BNC2: variants seen among roughly 807,000 people sequenced by gnomAD.
BNC2 encodes the protein zinc finger protein basonuclin-2.
A neutral mutation model predicts 76.3 loss-of-function variants in BNC2; 20 were observed. That is an observed-to-expected ratio of 0.26 (90% CI 0.18 to 0.38). The LOEUF is 0.38. Among genes scored for constraint, BNC2 ranks in the 10% least tolerant of loss-of-function variants. BNC2 has a pLI of 1.00. For missense variants in BNC2, 1,382 were observed against 1,399.8 expected (o/e 0.99, Z 0.20); for synonymous variants, 582 against 514.8 (o/e 1.13, Z -1.77).
chr9:16,805,338 T>C (rs965963964), intron 1 of BNC2, among the ~76,000 whole-genome samples: 1 of 152,012 alleles, frequency 6.6e-6, no homozygotes, highest in African/African-American at 2.4e-5. Context: ...TTGTTGGTTT[T>C]TTTTTGAGAC....
At chr9:16,625,411 C>G (rs1411087150) in intron 3 of BNC2, among the ~76,000 whole-genome samples, 3 of 152,244 alleles carry the variant, frequency 2.0e-5, no homozygotes, top group East Asian at 3.9e-4. Context: ...TGAAAATGAG[C>G]CAATGATCAT....
intron 4 of BNC2, among the ~76,000 whole-genome samples, chr9:16,556,893 G>A (rs1046545975): frequency 5.3e-5 from 8 of 151,500 alleles, no homozygotes; most frequent in African/African-American, 1.7e-4. Flanking sequence ...AGATCATATC[G>A]AGTCACCAAG....
At chr9:16,532,041 CT>C (rs34096384) in intron 5 of BNC2, among the ~76,000 whole-genome samples, 257 of 147,760 alleles carry the variant, frequency 1.7e-3, no homozygotes, top group African/African-American at 5.4e-3. Flanking sequence ...GATTTAAGTT[CT>C]TTTTTTTTTG....
At chr9:16,719,377 T>C (rs989939244) in intron 3 of BNC2, among the ~76,000 whole-genome samples, 4 of 152,148 alleles carry the variant, frequency 2.6e-5, no homozygotes, top group Admixed American at 2.0e-4. Flanking sequence ...CTAATGGAGA[T>C]TCTCATTTTA....
chr9:16,476,011 C>T (rs1331685254), intron 5 of BNC2: 1 of 152,128 alleles, frequency 6.6e-6, no homozygotes, highest in Non-Finnish European at 1.5e-5. Flanking sequence ...TTCCCGTGTC[C>T]AAAAGATCTC....
chr9:16,537,031 T>C (rs1587142841), intron 5 of BNC2, among the ~76,000 whole-genome samples: 1 of 152,254 alleles, frequency 6.6e-6, no homozygotes, highest in African/African-American at 2.4e-5. Context: ...TCATAAACCC[T>C]ATAAAGTGAA....
intron 3 of BNC2, among the ~76,000 whole-genome samples, chr9:16,642,531 C>T (rs553916718): frequency 6.6e-6 from 1 of 152,342 alleles, no homozygotes; most frequent in South Asian, 2.1e-4. Context: ...ACCCTTCCCA[C>T]AGCATGTGCC....
intron 3 of BNC2, among the ~76,000 whole-genome samples, chr9:16,679,475 C>T (rs1396712086): frequency 6.6e-6 from 1 of 152,194 alleles, no homozygotes; most frequent in Non-Finnish European, 1.5e-5. Flanking sequence ...GGCTGCTAGA[C>T]ACATGTGCAT....
intron 3 of BNC2, among the ~76,000 whole-genome samples, chr9:16,694,412 G>A (rs1257026914): frequency 6.6e-6 from 1 of 151,974 alleles, no homozygotes; most frequent in African/African-American, 2.4e-5. Context: ...AATACAACAG[G>A]CATTTACTAC....
chr9:16,465,071 C>T (rs1186252295), intron 5 of BNC2, among the ~76,000 whole-genome samples: 2 of 152,286 alleles, frequency 1.3e-5, no homozygotes, highest in Non-Finnish European at 2.9e-5. Flanking sequence ...GAGTAGTCAA[C>T]AGGCCCATGA....
intron 1 of BNC2, among the ~76,000 whole-genome samples, chr9:16,738,763 C>T (rs1221790381): frequency 2.0e-5 from 3 of 152,064 alleles, no homozygotes; most frequent in African/African-American, 7.2e-5. Flanking sequence ...CCCTTTTCTT[C>T]CACTTAATAT....
chr9:16,869,706 C>T (rs1049054329), intron 1 of BNC2, among the ~76,000 whole-genome samples: 2 of 152,164 alleles, frequency 1.3e-5, no homozygotes, highest in African/African-American at 4.8e-5. Context: ...GCGGACAGAG[C>T]GGCTCATCAC....
chr9:16,432,973 G>C (rs915826068), intron 6 of BNC2, among the ~76,000 whole-genome samples: 1 of 152,148 alleles, frequency 6.6e-6, no homozygotes, highest in Non-Finnish European at 1.5e-5. Flanking sequence ...TGAATAATGA[G>C]ATTAAATCAC....
At chr9:16,838,793 T>C (rs1342369938) in intron 1 of BNC2, among the ~76,000 whole-genome samples, 4 of 152,232 alleles carry the variant, frequency 2.6e-5, no homozygotes, top group East Asian at 1.9e-4. Flanking sequence ...ACATTATTTA[T>C]AGTGTACTTA....
At chr9:16,464,282 A>C (rs575712873) in intron 5 of BNC2, among the ~76,000 whole-genome samples, 1 of 152,190 alleles carries the variant, frequency 6.6e-6, no homozygotes, top group South Asian at 2.1e-4. Flanking sequence ...CTGGCATGGC[A>C]CACAGGCCAA....
At chr9:16,678,246 G>T (rs992536804) in intron 3 of BNC2, among the ~76,000 whole-genome samples, 19 of 127,566 alleles carry the variant, frequency 1.5e-4, no homozygotes, top group African/African-American at 4.7e-4. Flanking sequence ...ACCATAACTT[G>T]TAACTGTTTT....
chr9:16,455,215 T>TA (rs1554641702), intron 5 of BNC2, among the ~76,000 whole-genome samples: 2 of 152,188 alleles, frequency 1.3e-5, no homozygotes, highest in Non-Finnish European at 2.9e-5. Flanking sequence ...AATATGTAGT[T>TA]GAGTCCTGGC....
At chr9:16,532,078 T>C (rs1817993686) in intron 5 of BNC2, among the ~76,000 whole-genome samples, 2 of 152,094 alleles carry the variant, frequency 1.3e-5, no homozygotes, top group Non-Finnish European at 2.9e-5. Flanking sequence ...CTACTTTCTG[T>C]TAACACATAA....
At chr9:16,515,629 T>G (rs2131992306) in intron 5 of BNC2, among the ~76,000 whole-genome samples, 1 of 151,502 alleles carries the variant, frequency 6.6e-6, no homozygotes, top group Middle Eastern at 3.4e-3. Flanking sequence ...GGCAATGATG[T>G]GGTCGAAAAA....
Sources: allele counts gnomAD v4.1 joint callset (sites outside exome capture counted in the v4.1 genomes callset), GRCh38; gene constraint gnomAD v4.1.1; transcripts MANE v1.5; gene names NCBI Gene and HGNC (gene_info 2026-07-23, HGNC 2026-07-21).